The following PIEZO1 variants were observed in gnomAD, a reference collection of about 807,000 sequenced individuals.
PIEZO1 encodes piezo-type mechanosensitive ion channel component 1.
PIEZO1 carries 296 observed loss-of-function variants against 297.2 expected under a neutral mutation model. That is an observed-to-expected ratio of 1.00 (90% CI 0.91 to 1.10). PIEZO1 has a LOEUF of 1.10. Ranked by LOEUF, PIEZO1 falls within the 50% of genes least tolerant of loss-of-function variation. PIEZO1 has a pLI of 0.00. For missense variants in PIEZO1, 5,018 were observed against 3,455.5 expected, an observed-to-expected ratio of 1.45 and a Z score of -11.34; for synonymous variants, 2,427 against 1,507.5, an observed-to-expected ratio of 1.61 and a Z score of -14.13.
At chr16:88,742,153 G>C in intron 3 of PIEZO1, 58 bp from the exon 4 acceptor site, 1 of 1,528,774 alleles carries the variant, frequency 6.5e-7, no homozygotes, top group Non-Finnish European at 8.8e-7. Flanking sequence ...ACCGTGGCCT[G>C]GTCATCCCTG....
chr16:88,732,060 G>T (rs1051416948), intron 21 of PIEZO1, 150 bp from the exon 22 acceptor site: 5 of 366,690 alleles, frequency 1.4e-5, no homozygotes, highest in Non-Finnish European at 2.5e-5. Context: ...CTGTCAAGAG[G>T]GCAGGAGTGG....
intron 1 of PIEZO1, among the ~76,000 whole-genome samples, chr16:88,756,413 C>A (rs538244793): frequency 6.6e-6 from 1 of 152,186 alleles, no homozygotes. Flanking sequence ...GGAAGGATCT[C>A]GTGTGACATG....
intron 44 of PIEZO1, chr16:88,719,239 G>A: frequency 3.3e-6 from 1 of 301,120 alleles, no homozygotes; most frequent in Non-Finnish European, 6.4e-6. Context: ...TGGGGGAGTG[G>A]TCTGACGCAC....
intron 39 of PIEZO1, 86 bp downstream of exon 39, chr16:88,721,080 C>G: frequency 3.0e-6 from 4 of 1,325,556 alleles, no homozygotes; most frequent in Non-Finnish European, 4.0e-6. Flanking sequence ...CTGGGCTTGG[C>G]CGTCTCATCT....
chr16:88,784,824 G>A (rs1455088618), intron 1 of PIEZO1, 77 bp downstream of exon 1: 7 of 1,081,748 alleles, frequency 6.5e-6, no homozygotes, highest in Non-Finnish European at 8.8e-6. Context: ...CCCGGCCGGC[G>A]TCGTCCGGTG....
At position 88,749,372 on chromosome 16, in the gene PIEZO1, C is replaced by G. The variant is rs1567683268; in HGVS notation, c.160+12G>C. On this transcript the variant is annotated intron_variant, in intron 2 of 50. Transcript: ENST00000301015. ...CCACCCTGAGAGCGTGGGCAGGGTC[C>G]CCTGGCCTTACCTTGGAGGCCGCAT... 2 of 1,482,212 alleles carry G rather than the reference C, an allele frequency of 1.3e-6. No individual in the cohort carries two copies. The highest frequency in any genetic ancestry group is 1.4e-5 in the African/African-American group (1 of 69,772). The allele number at this position is 1,482,212 out of a possible 1,614,324, so 91.8% of individuals were successfully genotyped here. A position where few individuals can be genotyped will look rare whatever the true frequency, so the allele number is the denominator to read the frequency against.
intron 2 of PIEZO1, chr16:88,743,716 C>CCT: frequency 2.2e-6 from 1 of 448,480 alleles, no homozygotes; most frequent in African/African-American, 2.0e-5. Flanking sequence ...TAAGCCTGAC[C>CCT]GTGAAGCAGC....
At chr16:88,726,158 C>T (rs1401683523) in intron 27 of PIEZO1, 126 bp downstream of exon 27, 16 of 742,356 alleles carry the variant, frequency 2.2e-5, no homozygotes, top group Middle Eastern at 3.9e-4. Context: ...CTAGATGACA[C>T]GCCCATGTCA....
chr16:88,736,117 G>A (rs1451029703), intron 12 of PIEZO1, 31 bp downstream of exon 12: 2 of 1,520,012 alleles, frequency 1.3e-6, no homozygotes, highest in Admixed American at 4.0e-5. Context: ...TGCGCACCCA[G>A]GCACCCCCGG....
rs549684428 is a variant in PIEZO1 at position 88,762,532 on chromosome 16, C to A, written c.65-13053G>T. Among the ~76,000 whole-genome samples, 85 of 152,316 alleles carry A rather than the reference C, an allele frequency of 5.6e-4. No individual in the cohort carries two copies. In the Middle Eastern group the frequency reaches 0.01, roughly 18 times the overall value. Reference sequence around the variant, plus strand: ...TCTGGGGAGGAGAAGGGGCTCCCAGCCAAGCGGCCAACCCTGACTGCCAAG... The same window carrying A: ...TCTGGGGAGGAGAAGGGGCTCCCAGACAAGCGGCCAACCCTGACTGCCAAG... On this transcript the variant is annotated intron_variant, in intron 1 of 50. Coordinates refer to ENST00000301015, the MANE Select transcript of PIEZO1 (RefSeq NM_001142864.4).
chr16:88,763,930 T>A (rs1156762507), intron 1 of PIEZO1, among the ~76,000 whole-genome samples: 3 of 152,160 alleles, frequency 2.0e-5, no homozygotes, highest in Admixed American at 2.0e-4. Context: ...CCTGTACACC[T>A]GCACACAGGG....
At chr16:88,758,230 C>A (rs889413419) in intron 1 of PIEZO1, among the ~76,000 whole-genome samples, 10 of 152,172 alleles carry the variant, frequency 6.6e-5, no homozygotes, top group African/African-American at 1.9e-4. Context: ...TCCTTGTGCA[C>A]CGAGACCAAC....
At position 88,719,514 on chromosome 16, in the gene PIEZO1, G is replaced by A. The variant is rs900040971; in HGVS notation, c.6471+60C>T. On this transcript the variant is annotated intron_variant, in intron 44 of 50. Coordinates refer to ENST00000301015, the MANE Select transcript of PIEZO1 (RefSeq NM_001142864.4). ...GGGTTCTCGTGGCAGCAGTGCCTCT[G>A]TCTTAGGGAGAGGGCATATCCCTGG... is the stretch of plus-strand genomic sequence containing the variant. 5.4e-6 allele frequency: 8 copies of A among 1,485,670 alleles called. No homozygotes were observed. In the Admixed American group the frequency reaches 9.9e-5, roughly 18 times the overall value. 92.0% of individuals were successfully genotyped at this position (1,485,670 alleles called of 1,614,324 possible). A position where few individuals can be genotyped will look rare whatever the true frequency, so the allele number is the denominator to read the frequency against.
intron 1 of PIEZO1, among the ~76,000 whole-genome samples, chr16:88,756,785 AAAAC>A (rs1906678542): frequency 1.4e-5 from 2 of 146,440 alleles, no homozygotes; most frequent in Admixed American, 6.9e-5. Context: ...AATAAAAATA[AAAAC>A]AAACAAGCCA....
chr16:88,725,273 G>C (rs975265839), intron 29 of PIEZO1, 143 bp downstream of exon 29: 3 of 693,540 alleles, frequency 4.3e-6, no homozygotes, highest in East Asian at 5.8e-5. Flanking sequence ...CATGGGGCCT[G>C]CCAGACAGAG....
In PIEZO1 at chr16:88,722,363, T is replaced by C. The variant is rs182274754; in HGVS notation, c.4810A>G (p.Thr1604Ala). The change falls in exon 36 of 51, where the codon ACA becomes GCA. Residue 1604 changes from threonine (T) to alanine (A), a missense_variant. Thr to Ala is a moderately conservative substitution (Grantham distance 58). Transcript: ENST00000301015. The stretch of plus-strand genomic sequence containing the variant: ...CTCAGGGGGCTGCCCATGTCGTCTG[T>C]CATGCTGCTGAGTGGCTCCTCCGCG... ...LGAEEPLSSM[T>A]DDMGSPLSTG... 2.6e-6 allele frequency: 4 copies of C among 1,526,472 alleles called. No homozygotes were observed. The East Asian group carries it at 7.4e-5, about 28-fold the overall frequency. The allele number at this position is 1,526,472 out of a possible 1,614,324, so 94.6% of individuals were successfully genotyped here.
intron 1 of PIEZO1, among the ~76,000 whole-genome samples, chr16:88,750,537 C>G (rs1906336479): frequency 6.6e-6 from 1 of 152,248 alleles, no homozygotes; most frequent in African/African-American, 2.4e-5. Flanking sequence ...GCCTCCCACC[C>G]TCATCCTGAG....
At position 88,716,800 on chromosome 16, in the gene PIEZO1, A is replaced by G. The variant is rs1227835414; in HGVS notation, c.6753+6T>C. On this transcript the variant is annotated splice_donor_region_variant and intron_variant, in intron 46 of 50. Transcript: ENST00000301015. ...CACCAGCTTTCACAGGGCAGAGGCCACTTACCGGCTGGGGGTCAAACTGCC... is the reference window on the plus strand; with the variant it reads ...CACCAGCTTTCACAGGGCAGAGGCCGCTTACCGGCTGGGGGTCAAACTGCC... The G allele has an allele frequency of 1.9e-5, 30 of 1,549,904 alleles. No individual in the cohort carries two copies. In the African/African-American group the frequency reaches 2.9e-4, roughly 15 times the overall value.
In PIEZO1 at chr16:88,724,718, C is replaced by G. The variant is rs73264709; in HGVS notation, c.4234+291G>C. Reference sequence around the variant, plus strand: ...TCAAAAAGAAACAAAAACAGAATAACGCAGTGCTGCTGGGTCCCAGGTGAG... The same window carrying G: ...TCAAAAAGAAACAAAAACAGAATAAGGCAGTGCTGCTGGGTCCCAGGTGAG... On this transcript the variant is annotated intron_variant, in intron 30 of 50. Transcript: ENST00000301015. 0.035 allele frequency among the ~76,000 whole-genome samples: 5,293 copies of G among 152,188 alleles called. 293 individuals are homozygous for G. Among genetic ancestry groups the G allele is most frequent in the African/African-American group, 0.12 (5,070 of 41,494 alleles).
Sources: gnomAD v4.1 joint callset for allele counts (sites outside exome capture counted in the v4.1 genomes callset) on GRCh38, gnomAD v4.1.1 for gene constraint, MANE v1.5 for transcripts, NCBI Gene and HGNC (gene_info 2026-07-23, HGNC 2026-07-21) for gene names.